NFIB: variants seen among roughly 807,000 people sequenced by gnomAD.
The protein encoded by NFIB is nuclear factor 1 B-type.
A neutral mutation model predicts 61.5 loss-of-function variants in NFIB; 11 were observed. The ratio of observed to expected loss-of-function variants is 0.18; its 90% confidence interval spans 0.11 to 0.30. NFIB has a LOEUF of 0.30. Among genes scored for constraint, NFIB ranks in the 10% least tolerant of loss-of-function variants. The pLI, the probability that NFIB is intolerant of heterozygous loss-of-function variation, is 1.00. For synonymous variants in NFIB, 260 were observed against 216.5 expected (o/e 1.20, Z -1.76); for missense variants, 471 against 608.9 (o/e 0.77, Z 2.38).
In NFIB at chr9:14,084,502, C is replaced by T. The variant is rs558117594; in HGVS notation, c.*3807G>A. ...TTTGCCATGTCTTTATGTACAGTCT[C>T]CTTCACTGCCTTTTATTTTTTTCCT... On this transcript the variant is annotated 3_prime_UTR_variant, in exon 11 of 11. Coordinates refer to ENST00000380953, the MANE Select transcript of NFIB (RefSeq NM_001190737.2). 1 of 225,258 alleles carries T rather than the reference C, an allele frequency of 4.4e-6. No individual in the cohort carries two copies. The highest frequency in any genetic ancestry group is 8.9e-6 in the Non-Finnish European group (1 of 112,746). 14.0% of individuals were successfully genotyped at this position (225,258 alleles called of 1,614,324 possible). A position where few individuals can be genotyped will look rare whatever the true frequency, so the allele number is the denominator to read the frequency against.
chr9:14,361,555 G>A (rs545304993), intron 1 of NFIB: 40 of 152,194 alleles, frequency 2.6e-4, no homozygotes, highest in Admixed American at 8.5e-4. Context: ...GCACATAAAT[G>A]ATTTCACTAA....
chr9:14,206,335 T>G (rs980016224), intron 2 of NFIB, among the ~76,000 whole-genome samples: 1 of 151,792 alleles, frequency 6.6e-6, no homozygotes, highest in Non-Finnish European at 1.5e-5. Context: ...CCTGGCTAAT[T>G]TTTTTGTATT....
At position 14,282,697 on chromosome 9, in the gene NFIB, C is replaced by T. The variant is rs539300897; in HGVS notation, c.562+24292G>A. The stretch of plus-strand genomic sequence containing the variant: ...AAGGCAAGAGTAGTTGTCCTTTTTA[C>T]AGATCAGGAAACAGGTTCCTGAAGG... On this transcript the variant is annotated intron_variant, in intron 2 of 10. Transcript: ENST00000380953. Among the ~76,000 whole-genome samples, 42 of 152,300 alleles carry T rather than the reference C, an allele frequency of 2.8e-4. 1 individual carries two copies. The South Asian group carries it at 8.3e-3, about 30-fold the overall frequency.
At chr9:14,420,637 T>C in the NFIB span, among the ~76,000 whole-genome samples, 1 of 151,982 alleles carries the variant, frequency 6.6e-6, no homozygotes, top group Non-Finnish European at 1.5e-5. Flanking sequence ...CCACTGATGC[T>C]GTCAACCTGG....
chr9:14,292,771 C>G (rs970190849), intron 2 of NFIB, among the ~76,000 whole-genome samples: 7 of 152,072 alleles, frequency 4.6e-5, no homozygotes, highest in Admixed American at 2.6e-4. Context: ...AAGGTAATTC[C>G]ATTATCAGGT....
At chr9:14,277,726 C>A (rs1021692704) in intron 2 of NFIB, among the ~76,000 whole-genome samples, 1 of 152,188 alleles carries the variant, frequency 6.6e-6, no homozygotes, top group East Asian at 1.9e-4. Flanking sequence ...GTTCAAATGT[C>A]AAGTACATTT....
chr9:14,500,286 C>T, the NFIB span, among the ~76,000 whole-genome samples: 5 of 152,164 alleles, frequency 3.3e-5, no homozygotes, highest in Non-Finnish European at 5.9e-5. Flanking sequence ...CTGCCTTTCC[C>T]TAAGACGTTA....
the NFIB span, among the ~76,000 whole-genome samples, chr9:14,428,272 T>C: frequency 2.0e-5 from 3 of 152,066 alleles, no homozygotes; most frequent in Non-Finnish European, 4.4e-5. Context: ...GAAAACATCT[T>C]GTTAAGACTG....
chr9:14,451,630 T>A, the NFIB span, among the ~76,000 whole-genome samples: 1 of 152,214 alleles, frequency 6.6e-6, no homozygotes, highest in African/African-American at 2.4e-5. Flanking sequence ...CATACAAGTA[T>A]CCAGTTGCCA....
the NFIB span, among the ~76,000 whole-genome samples, chr9:14,421,580 T>A: frequency 6.6e-6 from 1 of 152,224 alleles, no homozygotes; most frequent in Non-Finnish European, 1.5e-5. Flanking sequence ...GTTTTCAATG[T>A]CAGTTATCTT....
Position 14,150,141 on chromosome 9 carries a change from G to A in NFIB, c.806+4C>T, listed in dbSNP as rs1483509365. ...GAGAATATGAGCAGCCCTTCTTTCA[G>A]TACCTGCTTGGTGGAGAAGACAGAG... is the stretch of plus-strand genomic sequence containing the variant. On this transcript the variant is annotated splice_donor_region_variant and intron_variant, in intron 5 of 10. Transcript: ENST00000380953. The A allele has an allele frequency of 1.2e-6, 2 of 1,612,976 alleles. No homozygotes were observed. Among genetic ancestry groups the A allele is most frequent in the Non-Finnish European group, 1.7e-6 (2 of 1,179,392 alleles).
At chr9:14,343,577 T>C (rs889670907) in intron 1 of NFIB, among the ~76,000 whole-genome samples, 5 of 152,204 alleles carry the variant, frequency 3.3e-5, no homozygotes, top group Non-Finnish European at 5.9e-5. Context: ...TCTGGATTCT[T>C]GCCTTTCCTC....
At chr9:14,294,339 A>G (rs554102821) in intron 2 of NFIB, among the ~76,000 whole-genome samples, 2 of 152,354 alleles carry the variant, frequency 1.3e-5, no homozygotes, top group African/African-American at 4.8e-5. Flanking sequence ...CTGAGAGGCT[A>G]TGAAAGGCAA....
At chr9:14,388,367 AG>A (rs2061576702) in intron 1 of NFIB, among the ~76,000 whole-genome samples, 2 of 131,808 alleles carry the variant, frequency 1.5e-5, no homozygotes, top group African/African-American at 6.0e-5. Context: ...AGAGAAAGAA[AG>A]AAGGAAGGAA....
intron 2 of NFIB, among the ~76,000 whole-genome samples, chr9:14,284,699 T>G (rs73645042): frequency 1.3e-5 from 2 of 152,238 alleles, no homozygotes; most frequent in African/African-American, 4.8e-5. Context: ...GATATTTTAT[T>G]TGAAAAATAT....
At chr9:14,258,476 C>G (rs1317610260) in intron 2 of NFIB, among the ~76,000 whole-genome samples, 1 of 152,230 alleles carries the variant, frequency 6.6e-6, no homozygotes, top group African/African-American at 2.4e-5. Flanking sequence ...TGGAATAGAA[C>G]TATCTTATAA....
chr9:14,346,942 A>G (rs762100735), intron 1 of NFIB, among the ~76,000 whole-genome samples: 4 of 152,002 alleles, frequency 2.6e-5, no homozygotes, highest in Non-Finnish European at 5.9e-5. Context: ...AGAGGCACTT[A>G]CTGTGAGGCC....
At chr9:14,363,428 G>C (rs1313184733) in intron 1 of NFIB, among the ~76,000 whole-genome samples, 1 of 152,080 alleles carries the variant, frequency 6.6e-6, no homozygotes, top group Non-Finnish European at 1.5e-5. Context: ...TCCTCCTTTT[G>C]GTTAAGCGGT....
rs73645039 is a variant in NFIB at position 14,279,336 on chromosome 9, C to T, written c.562+27653G>A. On this transcript the variant is annotated intron_variant, in intron 2 of 10. Coordinates refer to ENST00000380953, the MANE Select transcript of NFIB (RefSeq NM_001190737.2). ...GTACATCATGCCTGGAAACTGAATC[C>T]TGTTTTCAACACTGATAACTAGATT... is the stretch of plus-strand genomic sequence containing the variant. 2.5e-3 allele frequency among the ~76,000 whole-genome samples: 388 copies of T among 152,250 alleles called. 4 individuals carry two copies. Among genetic ancestry groups the T allele is most frequent in the African/African-American group, 8.3e-3 (344 of 41,546 alleles).
Sources: gnomAD v4.1 joint callset for allele counts (sites outside exome capture counted in the v4.1 genomes callset) on GRCh38, gnomAD v4.1.1 for gene constraint, MANE v1.5 for transcripts, NCBI Gene and HGNC (gene_info 2026-07-23, HGNC 2026-07-21) for gene names.